SORCS2: variants seen among roughly 807,000 people sequenced by gnomAD.
SORCS2 encodes the protein VPS10 domain-containing receptor SorCS2.
SORCS2 carries 100 observed loss-of-function variants against 141.6 expected under a neutral mutation model. The ratio of observed to expected loss-of-function variants is 0.71; its 90% CI spans 0.60 to 0.83. The LOEUF is 0.83. SORCS2 is among the 40% of genes least tolerant of loss of function. The pLI, the probability that SORCS2 is intolerant of heterozygous loss-of-function variation, is 0.00. For missense variants in SORCS2, 1,646 were observed against 1,560.2 expected, an observed-to-expected ratio of 1.05 and a Z score of -0.93; for synonymous variants, 789 against 676.9, an observed-to-expected ratio of 1.17 and a Z score of -2.57.
At chr4:7,434,783 A>G (rs1727179615) in intron 2 of SORCS2, 1 of 1,611,862 alleles carries the variant, frequency 6.2e-7, no homozygotes, top group Non-Finnish European at 8.5e-7. Context: ...TCCTGACACC[A>G]CACCGTGGAG....
intron 4 of SORCS2, among the ~76,000 whole-genome samples, chr4:7,652,344 A>C (rs1388658024): frequency 6.6e-6 from 1 of 152,188 alleles, no homozygotes; most frequent in Non-Finnish European, 1.5e-5. Context: ...AGCTTGATCA[A>C]GGTCCTGTCT....
At chr4:7,465,355 A>G (rs1370438350) in intron 2 of SORCS2, among the ~76,000 whole-genome samples, 1 of 152,142 alleles carries the variant, frequency 6.6e-6, no homozygotes, top group Admixed American at 6.5e-5. Flanking sequence ...GAGTTTCTTT[A>G]TATGTAAAAT....
chr4:7,545,975 C>T (rs78220293), intron 3 of SORCS2, among the ~76,000 whole-genome samples: 1,753 of 152,252 alleles, frequency 0.012, 33 homozygotes, highest in African/African-American at 0.04. Flanking sequence ...GCTGCCTTCT[C>T]GTTATCTTCA....
chr4:7,680,250 C>A (rs1446196853), intron 9 of SORCS2, among the ~76,000 whole-genome samples: 1 of 152,250 alleles, frequency 6.6e-6, no homozygotes, highest in African/African-American at 2.4e-5. Flanking sequence ...CTATAGGCAA[C>A]ACTCACACTC....
chr4:7,728,626 G>T (rs963663386), intron 22 of SORCS2, among the ~76,000 whole-genome samples, 164 bp downstream of exon 22: 1 of 152,208 alleles, frequency 6.6e-6, no homozygotes, highest in Non-Finnish European at 1.5e-5. Context: ...AGCTATGGAT[G>T]GGGGGCAGGC....
At chr4:7,314,359 A>G (rs1718415466) in intron 1 of SORCS2, among the ~76,000 whole-genome samples, 1 of 132,934 alleles carries the variant, frequency 7.5e-6, no homozygotes, top group South Asian at 2.5e-4. Context: ...TTATTTTTTG[A>G]GACGGAGTCT....
chr4:7,441,628 CAGCCCAGATCACCATCTACCCCCTCCCCT>C (rs1418119917), intron 2 of SORCS2, among the ~76,000 whole-genome samples: 1 of 151,784 alleles, frequency 6.6e-6, no homozygotes, highest in Non-Finnish European at 1.5e-5. Flanking sequence ...CCCCTTCCTC[CAGCCCAGATCACCATCTACCCCCTCCCCT>C]AGCCCAGATC....
At chr4:7,512,097 A>T (rs1732691166) in intron 2 of SORCS2, among the ~76,000 whole-genome samples, 1 of 152,160 alleles carries the variant, frequency 6.6e-6, no homozygotes, top group Non-Finnish European at 1.5e-5. Flanking sequence ...CAACCTAGTT[A>T]ACAGGTCCTG....
Position 7,711,856 on chromosome 4 carries a change from C to T in SORCS2, c.1869-877C>T, listed in dbSNP as rs1319450771. On this transcript the variant is annotated intron_variant, in intron 14 of 26. Coordinates refer to ENST00000507866, the MANE Select transcript of SORCS2 (RefSeq NM_020777.3). ...CCATGGATGCCGCAGGGTGCCTCCC[C>T]ACCTCCAAGAAGTCTTCAGGGAATC... Among the ~76,000 whole-genome samples, 3 of 152,182 alleles carry T rather than the reference C, an allele frequency of 2.0e-5. 1 individual carries two copies. The highest frequency in any genetic ancestry group is 4.4e-5 in the Non-Finnish European group (3 of 68,026).
intron 18 of SORCS2, among the ~76,000 whole-genome samples, chr4:7,719,643 G>A (rs904738077): frequency 1.3e-5 from 2 of 152,184 alleles, no homozygotes; most frequent in African/African-American, 4.8e-5. Flanking sequence ...TCTTGGGGCG[G>A]CAGGAGGACA....
intron 3 of SORCS2, among the ~76,000 whole-genome samples, chr4:7,542,274 C>G (rs1483439266): frequency 6.6e-6 from 1 of 152,150 alleles, no homozygotes. Context: ...GAATTGTGCC[C>G]CCCAAAAAAA....
At chr4:7,377,292 C>G (rs142899153) in intron 1 of SORCS2, among the ~76,000 whole-genome samples, 1 of 152,200 alleles carries the variant, frequency 6.6e-6, no homozygotes, top group East Asian at 1.9e-4. Flanking sequence ...TGACGAGCAC[C>G]TAGATACAGC....
chr4:7,217,891 G>C (rs771861069), intron 1 of SORCS2, among the ~76,000 whole-genome samples: 1 of 152,210 alleles, frequency 6.6e-6, no homozygotes, highest in Non-Finnish European at 1.5e-5. Context: ...GGGTGGCGAG[G>C]GTCGAGAGTC....
chr4:7,438,717 G>A (rs1160765179), intron 2 of SORCS2, among the ~76,000 whole-genome samples: 1 of 146,334 alleles, frequency 6.8e-6, no homozygotes, highest in Admixed American at 6.8e-5. Context: ...TTTTACTTAT[G>A]TTTTTTTAAA....
intron 2 of SORCS2, among the ~76,000 whole-genome samples, chr4:7,505,675 A>T (rs1732233703): frequency 6.6e-6 from 1 of 152,074 alleles, no homozygotes; most frequent in Non-Finnish European, 1.5e-5. Context: ...TACCCCCGAG[A>T]GCCTGGCTCT....
intron 17 of SORCS2, among the ~76,000 whole-genome samples, chr4:7,716,930 C>T (rs1726232567): frequency 6.6e-6 from 1 of 152,234 alleles, no homozygotes; most frequent in South Asian, 2.1e-4. Flanking sequence ...ATGAAATGGG[C>T]CTGTGCATGA....
intron 2 of SORCS2, among the ~76,000 whole-genome samples, chr4:7,403,997 A>ATATATATATATATATATT (rs1265288820): frequency 2.1e-3 from 40 of 18,818 alleles, no homozygotes; most frequent in Non-Finnish European, 3.4e-3. Context: ...ATATATATAT[A>ATATATATATATATATATT]TTTTTTTTTT....
chr4:7,545,751 T>G (rs1713209391), intron 3 of SORCS2, among the ~76,000 whole-genome samples: 1 of 152,208 alleles, frequency 6.6e-6, no homozygotes, highest in Non-Finnish European at 1.5e-5. Flanking sequence ...CTTTCTGTGA[T>G]TTATAAAGTA....
At chr4:7,601,137 G>A (rs1717638513) in intron 3 of SORCS2, among the ~76,000 whole-genome samples, 1 of 152,134 alleles carries the variant, frequency 6.6e-6, no homozygotes, top group African/African-American at 2.4e-5. Flanking sequence ...TATCCTAGAA[G>A]TTTTAATAGA....
Sources: allele counts gnomAD v4.1 joint callset (sites outside exome capture counted in the v4.1 genomes callset), GRCh38; gene constraint gnomAD v4.1.1; transcripts MANE v1.5; gene names NCBI Gene and HGNC (gene_info 2026-07-23, HGNC 2026-07-21).